The following TANC2 variants were observed in gnomAD, a reference collection of about 807,000 sequenced individuals.
TANC2 encodes the protein protein TANC2.
Under a neutral mutation model 210.5 loss-of-function variants are expected in TANC2, and 26 were observed. That is an observed-to-expected ratio of 0.12 (90% CI 0.09 to 0.17). The LOEUF (loss-of-function observed/expected upper bound fraction) is 0.17, where lower values mean the gene tolerates loss of function less well. Ranked by LOEUF, TANC2 falls within the 10% of genes least tolerant of loss-of-function variation. TANC2 has a pLI of 1.00. For missense variants in TANC2, 2,129 were observed against 2,608.9 expected (o/e 0.82, Z 4.01); for synonymous variants, 931 against 967.1 (o/e 0.96, Z 0.69).
chr17:63,248,251 C>G (rs2042968299), intron 8 of TANC2, among the ~76,000 whole-genome samples: 1 of 151,908 alleles, frequency 6.6e-6, no homozygotes, highest in Non-Finnish European at 1.5e-5. Flanking sequence ...TGGGGAGACT[C>G]CGATGCTAAA....
At chr17:63,002,110 G>T (rs2033413482) in intron 1 of TANC2, among the ~76,000 whole-genome samples, 1 of 152,112 alleles carries the variant, frequency 6.6e-6, no homozygotes, top group Admixed American at 6.5e-5. Flanking sequence ...AGAAGTTATG[G>T]GTGACGGTTT....
At chr17:63,231,625 T>A (rs960018795) in intron 7 of TANC2, among the ~76,000 whole-genome samples, 1 of 152,228 alleles carries the variant, frequency 6.6e-6, no homozygotes, top group Non-Finnish European at 1.5e-5. Flanking sequence ...TGCTGAGAAG[T>A]CCACGGTTAG....
intron 14 of TANC2, among the ~76,000 whole-genome samples, chr17:63,358,366 AGAG>A (rs2046839864): frequency 7.2e-6 from 1 of 139,432 alleles, no homozygotes; most frequent in African/African-American, 2.8e-5. Context: ...AGAGAGAGAG[AGAG>A]AGAGAGAGTA....
At chr17:63,070,025 T>C (rs973958925) in intron 2 of TANC2, among the ~76,000 whole-genome samples, 2 of 152,212 alleles carry the variant, frequency 1.3e-5, no homozygotes, top group Non-Finnish European at 1.5e-5. Context: ...TTATGTAAAA[T>C]ACTTGTTTAC....
chr17:63,339,565 C>G (rs1050982052), intron 11 of TANC2, among the ~76,000 whole-genome samples: 3 of 152,130 alleles, frequency 2.0e-5, no homozygotes, highest in African/African-American at 7.2e-5. Flanking sequence ...CCTGGGTGCT[C>G]AGAAAACATT....
At position 63,073,344 on chromosome 17, in the gene TANC2, A is replaced by T. The variant is rs2036463750; in HGVS notation, c.68-599A>T. Reference sequence around the variant, plus strand: ...GTTTTAGCTTTTCTTAACATGCATGAGGGAATATACTGTTTTGGTTATTTC... The same window carrying T: ...GTTTTAGCTTTTCTTAACATGCATGTGGGAATATACTGTTTTGGTTATTTC... On this transcript the variant is annotated intron_variant, in intron 2 of 27. Transcript: ENST00000689528. Among the ~76,000 whole-genome samples, 9 of 152,196 alleles carry T rather than the reference A, an allele frequency of 5.9e-5. No homozygotes were observed. In the South Asian group the frequency reaches 1.9e-3, roughly 32 times the overall value.
At chr17:63,009,478 C>T (rs1352310405) in intron 1 of TANC2, 59 bp from the exon 2 acceptor site, 2 of 1,184,088 alleles carry the variant, frequency 1.7e-6, no homozygotes. Context: ...TATAGTCACC[C>T]TCTTATGCTA....
intron 4 of TANC2, among the ~76,000 whole-genome samples, chr17:63,111,960 GT>G (rs1161939625): frequency 6.6e-6 from 1 of 152,130 alleles, no homozygotes; most frequent in East Asian, 1.9e-4. Flanking sequence ...TCCTGACCTT[GT>G]GATCCGCCCG....
At position 63,421,733 on chromosome 17, in the gene TANC2, C is replaced by T. The variant is rs1409760334; in HGVS notation, c.6003C>T (p.Asp2001=). The change falls in exon 28 of 28, where the codon GAC becomes GAT. Residue 2001 remains aspartate (D), a synonymous_variant. Transcript: ENST00000689528. This position sits in a 1 kb window ranked among gnomAD's most constrained non-coding sequence, Gnocchi z 6.9. ...CACAGAATGGCCATTTGCTGGAGGA[C>T]GATTATTACAGCCCCCATGGGATGC... The T allele has an allele frequency of 5.0e-6, 8 of 1,613,900 alleles. No homozygotes were observed. Among genetic ancestry groups the T allele is most frequent in the African/African-American group, 1.3e-5 (1 of 74,914 alleles).
intron 8 of TANC2, among the ~76,000 whole-genome samples, chr17:63,264,453 T>C (rs1046169623): frequency 6.6e-6 from 1 of 152,164 alleles, no homozygotes; most frequent in African/African-American, 2.4e-5. Context: ...ACTGCCTTTT[T>C]TGGACTATTA....
rs553025163 is a variant in TANC2, at chr17:62,985,415, C to T, written c.-24+18666C>T. Reference sequence around the variant, plus strand: ...CCTAGATCTTGATGTTCATCTCTCTCCTAAGATTTGGGACATTTTCAGCTA... The same window carrying T: ...CCTAGATCTTGATGTTCATCTCTCTTCTAAGATTTGGGACATTTTCAGCTA... On this transcript the variant is annotated intron_variant, in intron 1 of 27. Coordinates refer to ENST00000689528, the Ensembl canonical transcript of TANC2. Among the ~76,000 whole-genome samples the T allele has an allele frequency of 7.2e-5, 11 of 152,236 alleles. 1 individual carries two copies. In the South Asian group the frequency reaches 1.5e-3, roughly 20 times the overall value.
chr17:62,975,714 G>C (rs547646571), intron 1 of TANC2, among the ~76,000 whole-genome samples: 1 of 152,046 alleles, frequency 6.6e-6, no homozygotes, highest in Admixed American at 6.5e-5. Context: ...TATGAGTTTT[G>C]AATCATGAAA....
At chr17:63,354,717 GT>G in intron 13 of TANC2, 65 bp from the exon 14 acceptor site, 1 of 1,512,790 alleles carries the variant, frequency 6.6e-7, no homozygotes, top group Non-Finnish European at 8.8e-7. Flanking sequence ...GAACCTCATA[GT>G]TTATCACAAG....
chr17:63,067,005 T>G (rs2036222496), intron 2 of TANC2, among the ~76,000 whole-genome samples: 1 of 152,170 alleles, frequency 6.6e-6, no homozygotes, highest in Non-Finnish European at 1.5e-5. Context: ...ACTTTAGAAC[T>G]GACCTAACAG....
intron 26 of TANC2, among the ~76,000 whole-genome samples, chr17:63,417,433 C>T (rs1249716410): frequency 6.6e-6 from 1 of 152,104 alleles, no homozygotes; most frequent in African/African-American, 2.4e-5. Flanking sequence ...CACCCCACCC[C>T]CCAGTCTCTG....
At chr17:63,052,801 A>G (rs1400252828) in intron 2 of TANC2, among the ~76,000 whole-genome samples, 1 of 152,222 alleles carries the variant, frequency 6.6e-6, no homozygotes, top group Non-Finnish European at 1.5e-5. Flanking sequence ...TGCCATTGCA[A>G]CACAAATACA....
At chr17:63,145,842 G>GTTTATTATTTTT (rs1437141379) in intron 4 of TANC2, among the ~76,000 whole-genome samples, 1 of 151,920 alleles carries the variant, frequency 6.6e-6, no homozygotes, top group Non-Finnish European at 1.5e-5. Context: ...AGAAATCCAA[G>GTTTATTATTTTT]TTTATTATTT....
intron 7 of TANC2, among the ~76,000 whole-genome samples, chr17:63,226,600 A>T (rs1374353538): frequency 2.6e-5 from 4 of 152,112 alleles, no homozygotes; most frequent in Admixed American, 6.5e-5. Flanking sequence ...TTTATTTTTT[A>T]ATTTAATTTT....
intron 4 of TANC2, among the ~76,000 whole-genome samples, chr17:63,136,396 A>T (rs923766668): frequency 6.6e-6 from 1 of 152,162 alleles, no homozygotes; most frequent in Non-Finnish European, 1.5e-5. Context: ...GTTACCTTGG[A>T]TACAGCTTGG....
Sources: allele counts gnomAD v4.1 joint callset (sites outside exome capture counted in the v4.1 genomes callset), GRCh38; gene constraint gnomAD v4.1.1; non-coding constraint Gnocchi (gnomAD v3.1); transcripts MANE v1.5; gene names NCBI Gene and HGNC (gene_info 2026-07-23, HGNC 2026-07-21).